Variants in MAPT observed in about 807,000 individuals in gnomAD.
MAPT encodes microtubule associated protein tau.
MAPT carries 34 observed loss-of-function variants against 67.9 expected under a neutral mutation model. That is an observed-to-expected ratio of 0.50 (90% CI 0.38 to 0.67). The LOEUF (loss-of-function observed/expected upper bound fraction) is 0.67. MAPT is among the 30% of genes least tolerant of loss of function. The probability of loss-of-function intolerance (pLI) is 0.00; values close to 1 mark genes in which losing one functional copy is unlikely to be tolerated. For missense variants in MAPT, 881 were observed against 1,115.2 expected, an observed-to-expected ratio of 0.79 and a Z score of 2.99; for synonymous variants, 456 against 464.5, an observed-to-expected ratio of 0.98 and a Z score of 0.23.
At chr17:46,004,692 T>C (rs1219017174) in intron 9 of MAPT, among the ~76,000 whole-genome samples, 3 of 152,224 alleles carry the variant, frequency 2.0e-5, no homozygotes, top group African/African-American at 4.8e-5. Flanking sequence ...TACCCTTGTG[T>C]CTATTGTAAA....
At chr17:46,022,908 T>C (rs554529363) in intron 12 of MAPT, among the ~76,000 whole-genome samples, 1 of 152,230 alleles carries the variant, frequency 6.6e-6, no homozygotes, top group Admixed American at 6.5e-5. Context: ...GATAGATAGA[T>C]AGATAGATAA....
chr17:45,913,151 C>A (rs1188326440), intron 1 of MAPT, among the ~76,000 whole-genome samples: 8 of 152,164 alleles, frequency 5.3e-5, no homozygotes, highest in Admixed American at 5.2e-4. Flanking sequence ...TTTAATTGGA[C>A]TTACAGTTCC....
At chr17:45,974,065 G>C in intron 3 of MAPT, 1 of 415,704 alleles carries the variant, frequency 2.4e-6, no homozygotes, top group Non-Finnish European at 4.5e-6. Flanking sequence ...CAATCATCTG[G>C]TTTTCAGTAT....
intron 1 of MAPT, chr17:45,894,996 TG>T: frequency 6.5e-6 from 1 of 153,076 alleles, no homozygotes; most frequent in Non-Finnish European, 1.4e-5. Context: ...GGCGGTGACT[TG>T]GGGGAGGGGG....
At chr17:45,945,211 A>C (rs62062779) in intron 1 of MAPT, among the ~76,000 whole-genome samples, 21,786 of 152,218 alleles carry the variant, frequency 0.14, 2,123 homozygotes, top group Non-Finnish European at 0.22. Context: ...TGGGCAGCTG[A>C]ACATCATGTG....
chr17:46,018,579 A>T (rs757207134), intron 11 of MAPT, 39 bp from the exon 12 acceptor site: 1 of 1,417,528 alleles, frequency 7.1e-7, no homozygotes, highest in Admixed American at 1.7e-5. Flanking sequence ...GAACCACAGA[A>T]GATGATGGCA....
chr17:46,002,713 C>G (rs1039195941), intron 9 of MAPT, among the ~76,000 whole-genome samples: 2 of 152,162 alleles, frequency 1.3e-5, no homozygotes, highest in African/African-American at 2.4e-5. Flanking sequence ...CACAAGATGG[C>G]AATAGAATGC....
intron 9 of MAPT, among the ~76,000 whole-genome samples, chr17:46,001,307 T>C (rs1319469491): frequency 6.8e-6 from 1 of 147,956 alleles, no homozygotes; most frequent in Non-Finnish European, 1.5e-5. Context: ...TAAATACTTT[T>C]GTTATTTAAA....
At chr17:45,963,677 C>G (rs1462886636) in intron 2 of MAPT, among the ~76,000 whole-genome samples, 1 of 152,034 alleles carries the variant, frequency 6.6e-6, no homozygotes, top group Non-Finnish European at 1.5e-5. Context: ...GCATGGAAGC[C>G]GTGGAGTTGT....
At chr17:45,904,355 A>AT (rs2064132514) in intron 1 of MAPT, among the ~76,000 whole-genome samples, 1 of 75,852 alleles carries the variant, frequency 1.3e-5, no homozygotes, top group Non-Finnish European at 2.9e-5. Context: ...TATTATATAT[A>AT]TTATATATAT....
At chr17:45,998,909 C>T (rs996952122) in intron 9 of MAPT, among the ~76,000 whole-genome samples, 1 of 152,120 alleles carries the variant, frequency 6.6e-6, no homozygotes, top group Non-Finnish European at 1.5e-5. Context: ...ACTGGCCTTT[C>T]CTGCCTTTTC....
At chr17:45,942,436 A>G (rs1432447760) in intron 1 of MAPT, among the ~76,000 whole-genome samples, 4 of 152,176 alleles carry the variant, frequency 2.6e-5, no homozygotes. Context: ...GCCTGGCCGG[A>G]GGCTGCATCG....
At chr17:46,002,314 A>C (rs2075064877) in intron 9 of MAPT, among the ~76,000 whole-genome samples, 2 of 151,980 alleles carry the variant, frequency 1.3e-5, no homozygotes, top group Non-Finnish European at 2.9e-5. Context: ...GCCCAGCCTC[A>C]GCAGCCCTTC....
intron 1 of MAPT, among the ~76,000 whole-genome samples, chr17:45,924,288 AT>A: frequency 6.6e-6 from 1 of 152,252 alleles, no homozygotes; most frequent in African/African-American, 2.4e-5. Context: ...GCCCACTTCA[AT>A]TGTAAATGTA....
intron 1 of MAPT, among the ~76,000 whole-genome samples, chr17:45,923,446 G>A (rs562887986): frequency 2.0e-5 from 3 of 152,334 alleles, no homozygotes; most frequent in South Asian, 2.1e-4. Flanking sequence ...GAAGGGGTCC[G>A]GCTGTCCCTG....
At chr17:46,009,306 G>C (rs1405471809) in intron 9 of MAPT, among the ~76,000 whole-genome samples, 1 of 152,212 alleles carries the variant, frequency 6.6e-6, no homozygotes, top group Admixed American at 6.5e-5. Context: ...TCACTGATCT[G>C]GCAGAGAAAA....
intron 11 of MAPT, among the ~76,000 whole-genome samples, chr17:46,015,698 C>T (rs1260086633): frequency 6.6e-6 from 1 of 152,050 alleles, no homozygotes; most frequent in Non-Finnish European, 1.5e-5. Flanking sequence ...AAACACACAA[C>T]AAAAACCTAA....
intron 6 of MAPT, 90 bp downstream of exon 6, chr17:45,987,185 G>A (rs2073637407): frequency 8.0e-7 from 1 of 1,248,620 alleles, no homozygotes; most frequent in African/African-American, 1.5e-5. Context: ...ATATAATGTG[G>A]GGAGTATTTG....
chr17:45,959,529 C>T (rs1432274092), intron 1 of MAPT, among the ~76,000 whole-genome samples: 8 of 152,114 alleles, frequency 5.3e-5, no homozygotes, highest in East Asian at 3.9e-4. Context: ...CAAAGTCAGC[C>T]GGGCATGGTG....
Sources: gnomAD v4.1 joint callset for allele counts (sites outside exome capture counted in the v4.1 genomes callset) on GRCh38, gnomAD v4.1.1 for gene constraint, MANE v1.5 for transcripts, NCBI Gene and HGNC (gene_info 2026-07-23, HGNC 2026-07-21) for gene names.